ZNF713: variants seen among roughly 807,000 people sequenced by gnomAD.
ZNF713 encodes the protein zinc finger protein 713.
A neutral mutation model predicts 28.7 loss-of-function variants in ZNF713; 21 were observed. That is an observed-to-expected ratio of 0.73 (90% CI 0.52 to 1.05). ZNF713 has a LOEUF of 1.05. ZNF713 is among the 50% of genes least tolerant of loss of function. The pLI is 0.00. For missense variants in ZNF713, 458 were observed against 532.4 expected (o/e 0.86, Z 1.37); for synonymous variants, 167 against 178.0 (o/e 0.94, Z 0.49).
At chr7:55,927,440 T>C (rs1786117672) in intron 6 of ZNF713, among the ~76,000 whole-genome samples, 1 of 151,730 alleles carries the variant, frequency 6.6e-6, no homozygotes, top group Admixed American at 6.6e-5. Flanking sequence ...GGAGGATCAC[T>C]TGAGCCTAGG....
chr7:55,906,720 CCAT>C (rs1351874456), intron 2 of ZNF713, among the ~76,000 whole-genome samples: 1 of 152,096 alleles, frequency 6.6e-6, no homozygotes, highest in East Asian at 1.9e-4. Context: ...TCATTTGTGA[CCAT>C]CACCAGCTGG....
Position 55,919,490 on chromosome 7 carries a change from G to GTTTTTTT in ZNF713, c.88-3645_88-3639dup, listed in dbSNP as rs55656709. Among the ~76,000 whole-genome samples the GTTTTTTT allele has an allele frequency of 1.5e-3, 102 of 66,750 alleles. 6 individuals are homozygous for GTTTTTTT. The highest frequency in any genetic ancestry group is 2.4e-3 in the Non-Finnish European group (76 of 32,210). 43.8% of individuals were successfully genotyped at this position (66,750 alleles called of 152,430 possible). A position where few individuals can be genotyped will look rare whatever the true frequency, so the allele number is the denominator to read the frequency against. On this transcript the variant is annotated intron_variant, in intron 4 of 6. Coordinates refer to ENST00000429591, the MANE Select transcript of ZNF713 (RefSeq NM_182633.3). ...GCTGGATAAATTGGTAAACACTCCA[G>GTTTTTTT]TTTTTTTTTTTTTTTTTTTTTTTTT...
intron 6 of ZNF713, among the ~76,000 whole-genome samples, chr7:55,925,404 C>G (rs531905603): frequency 1.3e-5 from 2 of 152,128 alleles, no homozygotes; most frequent in African/African-American, 4.8e-5. Context: ...GGGCAGATCA[C>G]GAGGTCAAGA....
chr7:55,887,829 GGCGGGCGGCGGGC>G (rs1785292792), intron 1 of ZNF713, 149 bp downstream of exon 1: 1 of 11,140 alleles, frequency 9.0e-5, no homozygotes, highest in Admixed American at 5.8e-4. Flanking sequence ...GGCGGCGGGC[GGCGGGCGGCGGGC>G]GGCGGCGGCG....
At chr7:55,902,601 C>T (rs768733918) in intron 1 of ZNF713, among the ~76,000 whole-genome samples, 9 of 152,148 alleles carry the variant, frequency 5.9e-5, no homozygotes, top group Non-Finnish European at 1.2e-4. Context: ...AGGCTTGATG[C>T]TCAGGCCTAT....
chr7:55,895,451 CTTTTTTTTTTT>C (rs55972416), intron 1 of ZNF713, among the ~76,000 whole-genome samples: 92 of 82,384 alleles, frequency 1.1e-3, no homozygotes, highest in African/African-American at 3.2e-3. Flanking sequence ...CTGTTATACT[CTTTTTTTTTTT>C]TTTTTTTTTT....
intron 4 of ZNF713, among the ~76,000 whole-genome samples, chr7:55,917,132 T>A (rs1354124946): frequency 6.6e-6 from 1 of 151,778 alleles, no homozygotes; most frequent in Non-Finnish European, 1.5e-5. Context: ...GAGAATGGCG[T>A]GAACCCGGGA....
intron 1 of ZNF713, among the ~76,000 whole-genome samples, chr7:55,897,195 T>A (rs1034303566): frequency 6.6e-6 from 1 of 151,822 alleles, no homozygotes; most frequent in African/African-American, 2.4e-5. Flanking sequence ...ACACTGATGA[T>A]GCTAAAATTA....
At chr7:55,908,585 AC>A (rs1785728892) in intron 2 of ZNF713, among the ~76,000 whole-genome samples, 1 of 147,872 alleles carries the variant, frequency 6.8e-6, no homozygotes, top group African/African-American at 2.5e-5. Context: ...CGTATGTCCC[AC>A]TTTTTGATGG....
At chr7:55,892,957 A>G (rs1228379109) in intron 1 of ZNF713, among the ~76,000 whole-genome samples, 2 of 150,568 alleles carry the variant, frequency 1.3e-5, no homozygotes, top group Non-Finnish European at 2.9e-5. Context: ...ATCTCTGCTC[A>G]CTGCAAGCTC....
chr7:55,908,707 C>A (rs928093223), intron 2 of ZNF713, among the ~76,000 whole-genome samples: 2 of 151,506 alleles, frequency 1.3e-5, no homozygotes, highest in African/African-American at 4.9e-5. Flanking sequence ...TTGAAAATTT[C>A]TTTTGCAGTG....
chr7:55,904,691 G>A (rs943735900), intron 1 of ZNF713, among the ~76,000 whole-genome samples: 4 of 151,898 alleles, frequency 2.6e-5, no homozygotes, highest in Non-Finnish European at 4.4e-5. Flanking sequence ...TGCAAAAGGG[G>A]TGTGTGGCCA....
chr7:55,934,265 C>T (rs563301019), intron 6 of ZNF713, among the ~76,000 whole-genome samples: 18 of 152,142 alleles, frequency 1.2e-4, no homozygotes, highest in African/African-American at 4.3e-4. Flanking sequence ...TATGTACTTG[C>T]GCACAAAACT....
intron 1 of ZNF713, among the ~76,000 whole-genome samples, chr7:55,905,886 C>G (rs1445483839): frequency 6.6e-6 from 1 of 151,846 alleles, no homozygotes; most frequent in African/African-American, 2.4e-5. Flanking sequence ...GGCGCATCAC[C>G]ACATCAGGAG....
chr7:55,932,348 G>T (rs1486756503), intron 6 of ZNF713, among the ~76,000 whole-genome samples: 1 of 149,808 alleles, frequency 6.7e-6, no homozygotes, highest in African/African-American at 2.5e-5. Flanking sequence ...AGGCAATGTA[G>T]GGAGACTTCG....
intron 1 of ZNF713, among the ~76,000 whole-genome samples, chr7:55,897,844 A>G (rs1345236263): frequency 2.0e-5 from 3 of 152,090 alleles, no homozygotes; most frequent in Non-Finnish European, 2.9e-5. Context: ...CTTCATGTCC[A>G]GTTCCTGCCG....
chr7:55,927,918 A>AAAAAAAAAAAC (rs1170459311), intron 6 of ZNF713, among the ~76,000 whole-genome samples: 1 of 149,668 alleles, frequency 6.7e-6, no homozygotes, highest in African/African-American at 2.4e-5. Context: ...AAAAAAAAAA[A>AAAAAAAAAAAC]AAGCCACAAG....
In ZNF713 at chr7:55,939,215, G is replaced by A; in HGVS notation, c.541G>A (p.Glu181Lys). 6.2e-7 allele frequency: 1 copy of A among 1,613,994 alleles called. No individual in the cohort carries two copies. The highest frequency in any genetic ancestry group is 1.7e-5 in the Admixed American group (1 of 60,008). ...HKKITQERSL[E>K]CNKFAENCNL... ...AAAGATCACACAGGAGAGAAGCCTT[G>A]AGTGTAATAAATTTGCAGAAAACTG... Residue 181 changes from glutamate (E) to lysine (K), a missense_variant, in exon 7 of 7, where the codon GAG (glutamate) becomes AAG (lysine). Coordinates refer to ENST00000429591, the MANE Select transcript of ZNF713 (RefSeq NM_182633.3).
At chr7:55,892,983 C>T (rs748116057) in intron 1 of ZNF713, among the ~76,000 whole-genome samples, 4 of 151,394 alleles carry the variant, frequency 2.6e-5, no homozygotes, top group African/African-American at 4.9e-5. Context: ...CCCGGGTTCA[C>T]GCCATTCTCT....
Sources: gnomAD v4.1 joint callset for allele counts (sites outside exome capture counted in the v4.1 genomes callset) on GRCh38, gnomAD v4.1.1 for gene constraint, MANE v1.5 for transcripts, NCBI Gene and HGNC (gene_info 2026-07-23, HGNC 2026-07-21) for gene names.